PTH1R: variants seen among roughly 807,000 people sequenced by gnomAD.
The protein encoded by PTH1R is parathyroid hormone/parathyroid hormone-related peptide receptor.
A neutral mutation model predicts 70.7 loss-of-function variants in PTH1R; 32 were observed. The ratio of observed to expected loss-of-function variants is 0.45; its 90% CI spans 0.34 to 0.61. The LOEUF is 0.61. Ranked by LOEUF, PTH1R falls within the 20% of genes least tolerant of loss-of-function variation. The probability of loss-of-function intolerance (pLI) is 0.01; values close to 1 mark genes in which losing one functional copy is unlikely to be tolerated. For missense variants in PTH1R, 626 were observed against 792.5 expected (o/e 0.79, Z 2.52); for synonymous variants, 329 against 324.8 (o/e 1.01, Z -0.14).
chr3:46,883,192 A>AGGGGGGCGGGGGGC lies in PTH1R; in HGVS notation c.-48-316_-48-303dup. 6.9e-6 allele frequency among the ~76,000 whole-genome samples: 1 copy of AGGGGGGCGGGGGGC among 145,946 alleles called. No individual in the cohort carries two copies. Among genetic ancestry groups the AGGGGGGCGGGGGGC allele is most frequent in the African/African-American group, 2.5e-5 (1 of 39,736 alleles). ...AGAAAGAAAGAAAAGGCGGCGCGGGAGGGGGGCGGGGGGCGGGCCGGGGGC... is the reference window on the plus strand; with the variant it reads ...AGAAAGAAAGAAAAGGCGGCGCGGGAGGGGGGCGGGGGGCGGGGGGCGGGGGGCGGGCCGGGGGC... On this transcript the variant is annotated intron_variant, in intron 2 of 15. Coordinates refer to ENST00000449590, the MANE Select transcript of PTH1R (RefSeq NM_000316.3). The surrounding 1 kb of genome is among the most constrained non-coding windows in gnomAD (Gnocchi z 6.4).
At chr3:46,889,073 C>T (rs980584488) in intron 3 of PTH1R, among the ~76,000 whole-genome samples, 3 of 152,120 alleles carry the variant, frequency 2.0e-5, no homozygotes, top group Admixed American at 6.5e-5. Context: ...CCAGCTGGCA[C>T]GGGAGACATC....
intron 7 of PTH1R, 84 bp downstream of exon 7, chr3:46,898,276 G>C (rs1032642433): frequency 6.4e-7 from 1 of 1,571,708 alleles, no homozygotes; most frequent in Non-Finnish European, 8.8e-7. Context: ...CCTGACCCCT[G>C]ACCTTGACTC....
Position 46,893,361 on chromosome 3 carries a change from G to A in PTH1R, c.76-546G>A, listed in dbSNP as rs1439196854. 6.6e-6 allele frequency among the ~76,000 whole-genome samples: 1 copy of A among 152,140 alleles called. No individual in the cohort carries two copies. Among genetic ancestry groups the A allele is most frequent in the African/African-American group, 2.4e-5 (1 of 41,418 alleles). On this transcript the variant is annotated intron_variant, in intron 3 of 15. Coordinates refer to ENST00000449590, the MANE Select transcript of PTH1R (RefSeq NM_000316.3). The surrounding 1 kb of genome is among the most constrained non-coding windows in gnomAD (Gnocchi z 5.2). ...CTCTCTCTTGGGATTGTAAGGAGGG[G>A]AGGCATTGAGGCACTCACCGTTCAC... is the stretch of plus-strand genomic sequence containing the variant.
intron 2 of PTH1R, among the ~76,000 whole-genome samples, 164 bp downstream of exon 2, chr3:46,881,282 C>T (rs915081337): frequency 6.6e-6 from 1 of 152,158 alleles, no homozygotes; most frequent in African/African-American, 2.4e-5. Flanking sequence ...GGTTTGGGGT[C>T]GAAGGGCCCC....
intron 3 of PTH1R, among the ~76,000 whole-genome samples, chr3:46,886,504 C>T (rs559253077): frequency 2.0e-5 from 3 of 152,216 alleles, no homozygotes; most frequent in South Asian, 4.1e-4. Flanking sequence ...ATTACAGGCG[C>T]CCGCCACCAT....
Position 46,891,908 on chromosome 3 carries a change from A to G in PTH1R, c.76-1999A>G, listed in dbSNP as rs2031435380. On this transcript the variant is annotated intron_variant, in intron 3 of 15. Coordinates refer to ENST00000449590, the MANE Select transcript of PTH1R (RefSeq NM_000316.3). The surrounding 1 kb of genome is among the most constrained non-coding windows in gnomAD (Gnocchi z 4.3). Reference sequence around the variant, plus strand: ...GGTTATTGATGGAGGTACTAGCAGCAACGATGGAAATGGTAGTTAATGGGT... The same window carrying G: ...GGTTATTGATGGAGGTACTAGCAGCGACGATGGAAATGGTAGTTAATGGGT... Among the ~76,000 whole-genome samples, 1 of 152,112 alleles carries G rather than the reference A, an allele frequency of 6.6e-6. No homozygotes were observed. The highest frequency in any genetic ancestry group is 6.6e-5 in the Admixed American group (1 of 15,266).
In PTH1R at chr3:46,901,568, G is replaced by C. The variant is rs1197885002; in HGVS notation, c.1116+88G>C. 15 of 1,476,784 alleles carry C rather than the reference G, an allele frequency of 1.0e-5. No homozygotes were observed. The East Asian group carries it at 3.5e-4, about 34-fold the overall frequency. 91.5% of individuals were successfully genotyped at this position (1,476,784 alleles called of 1,614,324 possible). A position where few individuals can be genotyped will look rare whatever the true frequency, so the allele number is the denominator to read the frequency against. On this transcript the variant is annotated intron_variant, in intron 12 of 15. Coordinates refer to ENST00000449590, the MANE Select transcript of PTH1R (RefSeq NM_000316.3). The surrounding 1 kb of genome is among the most constrained non-coding windows in gnomAD (Gnocchi z 7.3). ...CCAGCCCCTGACAGGGACCTAGGAG[G>C]CTTCCCTGGACCCCAGTGTCAGAGC... is the stretch of plus-strand genomic sequence containing the variant.
chr3:46,881,282 C>G (rs915081337), intron 2 of PTH1R, among the ~76,000 whole-genome samples, 164 bp downstream of exon 2: 36 of 152,274 alleles, frequency 2.4e-4, no homozygotes, highest in African/African-American at 8.4e-4. Context: ...GGTTTGGGGT[C>G]GAAGGGCCCC....
intron 3 of PTH1R, among the ~76,000 whole-genome samples, chr3:46,889,046 T>C (rs999802162): frequency 1.3e-5 from 2 of 151,404 alleles, no homozygotes. Flanking sequence ...GCAGCAGGGG[T>C]GGGGGAGCAG....
In PTH1R at chr3:46,891,315, T is replaced by A. The variant is rs2031403052; in HGVS notation, c.76-2592T>A. On this transcript the variant is annotated intron_variant, in intron 3 of 15. Transcript: ENST00000449590. This position sits in a 1 kb window ranked among gnomAD's most constrained non-coding sequence, Gnocchi z 4.3. ...GGAGGTAGAGGCTGAGCCAATTCCT[T>A]GAGCCAGTGAGGGGTGTGTTGGTCA... Among the ~76,000 whole-genome samples, 1 of 152,118 alleles carries A rather than the reference T, an allele frequency of 6.6e-6. No homozygotes were observed. The highest frequency in any genetic ancestry group is 2.4e-5 in the African/African-American group (1 of 41,434).
intron 4 of PTH1R, 133 bp from the exon 5 acceptor site, chr3:46,895,602 C>G: frequency 7.2e-7 from 1 of 1,393,930 alleles, no homozygotes; most frequent in Non-Finnish European, 1.0e-6. Context: ...TCAGATCTCC[C>G]AACAGCCTAG....
At chr3:46,894,170 C>G (rs539501284) in intron 4 of PTH1R, among the ~76,000 whole-genome samples, 161 bp downstream of exon 4, 77 of 152,192 alleles carry the variant, frequency 5.1e-4, no homozygotes, top group Non-Finnish European at 9.0e-4. Context: ...GTGCGTGGTG[C>G]AAGAGTGGAG....
chr3:46,886,102 A>G (rs1366157461), intron 3 of PTH1R, among the ~76,000 whole-genome samples: 1 of 152,200 alleles, frequency 6.6e-6, no homozygotes, highest in Non-Finnish European at 1.5e-5. Context: ...AGGAAGTGAT[A>G]GACCCACAGA....
chr3:46,902,830 A>G lies in PTH1R; in HGVS notation c.1395+40A>G, dbSNP rs1434684255. Reference sequence around the variant, plus strand: ...GTGTTGGCATAGGGCAGGGTGGGGCAGATACCCCAGAGGCTTCCTCAAGGC... The same window carrying G: ...GTGTTGGCATAGGGCAGGGTGGGGCGGATACCCCAGAGGCTTCCTCAAGGC... On this transcript the variant is annotated intron_variant, in intron 15 of 15. Transcript: ENST00000449590. This position sits in a 1 kb window ranked among gnomAD's most constrained non-coding sequence, Gnocchi z 5.4. The G allele has an allele frequency of 6.2e-7, 1 of 1,611,832 alleles. No homozygotes were observed. Among genetic ancestry groups the G allele is most frequent in the Non-Finnish European group, 8.5e-7 (1 of 1,178,668 alleles).
rs566171277 is a variant in PTH1R at position 46,882,161 on chromosome 3, T to A, written c.-49+1043T>A. ...AAGGCTCCTCTCGGCCTCTCCACAC[T>A]CCCGCGTCGGCGGCTGCGGAGGGGG... On this transcript the variant is annotated intron_variant, in intron 2 of 15. Transcript: ENST00000449590. This position sits in a 1 kb window ranked among gnomAD's most constrained non-coding sequence, Gnocchi z 4.3. 4 of 143,854 alleles carry A rather than the reference T, an allele frequency of 2.8e-5. No individual in the cohort carries two copies. The highest frequency in any genetic ancestry group is 6.1e-5 in the Non-Finnish European group (4 of 65,604). The allele number at this position is 143,854 out of a possible 1,614,324, so 8.9% of individuals were successfully genotyped here. A position where few individuals can be genotyped will look rare whatever the true frequency, so the allele number is the denominator to read the frequency against.
In PTH1R at chr3:46,895,777, C is replaced by T; in HGVS notation, c.221C>T (p.Thr74Ile). 1.2e-6 allele frequency: 2 copies of T among 1,614,170 alleles called. No homozygotes were observed. The highest frequency in any genetic ancestry group is 4.5e-5 in the East Asian group (2 of 44,878). ...ESDKGWTSASTSGKPRKDKAS... is the reference protein window; with the variant it reads ...ESDKGWTSASISGKPRKDKAS... ...GACAAGGGATGGACATCTGCGTCCA[C>T]ATCAGGGAAGCCCAGGAAAGATAAG... The change falls in exon 5 of 16, where the codon ACA becomes ATA. Residue 74 changes from threonine to isoleucine, a missense_variant. By Grantham distance (89) the Thr-to-Ile change is moderately conservative. This residue lies in a region of PTH1R where 123 missense variants were observed against 125.7 expected (regional missense o/e 0.98). Coordinates refer to ENST00000449590, the MANE Select transcript of PTH1R (RefSeq NM_000316.3).
chr3:46,896,743 G>A lies in PTH1R; in HGVS notation c.313+874G>A, dbSNP rs1327712188. The stretch of plus-strand genomic sequence containing the variant: ...GAGAAGGGGGCTGCAAGCTGGGAGT[G>A]GAATGTGGAAGATACAGAGGCTGGG... On this transcript the variant is annotated intron_variant, in intron 5 of 15. Transcript: ENST00000449590. The surrounding 1 kb of genome is among the most constrained non-coding windows in gnomAD (Gnocchi z 4.1). Among the ~76,000 whole-genome samples the A allele has an allele frequency of 6.6e-6, 1 of 152,170 alleles. No homozygotes were observed. Among genetic ancestry groups the A allele is most frequent in the Non-Finnish European group, 1.5e-5 (1 of 68,012 alleles).
At chr3:46,897,788 T>A in intron 5 of PTH1R, 67 bp from the exon 6 acceptor site, 1 of 1,355,172 alleles carries the variant, frequency 7.4e-7, no homozygotes, top group East Asian at 2.3e-5. Flanking sequence ...TATTCATCCT[T>A]CTGGGTCACT....
At chr3:46,888,689 C>T (rs1221411198) in intron 3 of PTH1R, among the ~76,000 whole-genome samples, 2 of 152,204 alleles carry the variant, frequency 1.3e-5, no homozygotes, top group Non-Finnish European at 2.9e-5. Context: ...CGAGGTGAGA[C>T]CTAGTGGGAT....
Sources: gnomAD v4.1 joint callset for allele counts (sites outside exome capture counted in the v4.1 genomes callset) on GRCh38, gnomAD v4.1.1 for gene constraint, gnomAD v4.1.1 regional missense constraint, Gnocchi (gnomAD v3.1) non-coding constraint, MANE v1.5 for transcripts, NCBI Gene and HGNC (gene_info 2026-07-23, HGNC 2026-07-21) for gene names.